RALYL: variants seen among roughly 807,000 people sequenced by gnomAD.
RALYL encodes the protein RNA-binding Raly-like protein.
A neutral mutation model predicts 35.1 loss-of-function variants in RALYL; 29 were observed. The observed-to-expected ratio is 0.83, with a 90% CI of 0.61 to 1.13. RALYL has a LOEUF of 1.13. Among genes scored for constraint, RALYL ranks in the 50% most tolerant of loss-of-function variants. The pLI is 0.00. For missense variants in RALYL, 359 were observed against 360.4 expected (o/e 1.00, Z 0.03); for synonymous variants, 120 against 127.6 (o/e 0.94, Z 0.40).
chr8:84,690,440 A>T (rs1837798275), intron 2 of RALYL, among the ~76,000 whole-genome samples: 1 of 152,098 alleles, frequency 6.6e-6, no homozygotes, highest in Non-Finnish European at 1.5e-5. Flanking sequence ...AGGATGAATA[A>T]GTTTGGGAGA....
chr8:84,273,773 A>T (rs1370595240), intron 1 of RALYL, among the ~76,000 whole-genome samples: 1 of 152,224 alleles, frequency 6.6e-6, no homozygotes, highest in Non-Finnish European at 1.5e-5. Context: ...TTTATTAAAA[A>T]TCAGGCAATA....
intron 2 of RALYL, among the ~76,000 whole-genome samples, chr8:84,578,413 A>C (rs1376616945): frequency 6.6e-6 from 1 of 152,194 alleles, no homozygotes; most frequent in Non-Finnish European, 1.5e-5. Context: ...CTTTCCTTCT[A>C]GTTGCCTGCA....
At chr8:84,913,474 G>A (rs1035646442) in intron 8 of RALYL, among the ~76,000 whole-genome samples, 1 of 151,862 alleles carries the variant, frequency 6.6e-6, no homozygotes, top group African/African-American at 2.4e-5. Context: ...TCTATACCAG[G>A]ATAATCATAT....
chr8:84,473,146 G>T (rs1428881432), intron 1 of RALYL, among the ~76,000 whole-genome samples: 2 of 151,832 alleles, frequency 1.3e-5, no homozygotes, highest in Admixed American at 6.6e-5. Context: ...GTTTATTTTT[G>T]AAGCTGACTA....
intron 1 of RALYL, among the ~76,000 whole-genome samples, chr8:84,513,467 A>G (rs1240636885): frequency 1.3e-5 from 2 of 152,144 alleles, no homozygotes; most frequent in Non-Finnish European, 2.9e-5. Context: ...AGAAAAAGCC[A>G]TAACACAATT....
At chr8:84,797,850 T>G (rs900627628) in intron 3 of RALYL, among the ~76,000 whole-genome samples, 1 of 152,214 alleles carries the variant, frequency 6.6e-6, no homozygotes, top group Non-Finnish European at 1.5e-5. Context: ...TTCTCTTCTT[T>G]ATTTACTTTT....
chr8:84,687,290 G>A (rs146482602), intron 2 of RALYL, among the ~76,000 whole-genome samples: 1 of 152,190 alleles, frequency 6.6e-6, no homozygotes, highest in East Asian at 1.9e-4. Flanking sequence ...TAGGGTCTAT[G>A]AGTCTATTTC....
chr8:84,521,626 A>G (rs1316016113), intron 1 of RALYL, among the ~76,000 whole-genome samples: 2 of 152,178 alleles, frequency 1.3e-5, no homozygotes, highest in African/African-American at 4.8e-5. Context: ...ACCACTTATT[A>G]TTACTCTTTG....
intron 2 of RALYL, among the ~76,000 whole-genome samples, chr8:84,706,253 G>A (rs1056507834): frequency 1.1e-4 from 16 of 152,060 alleles, no homozygotes; most frequent in African/African-American, 1.4e-4. Flanking sequence ...GGGATAATTC[G>A]CTTGTTACCA....
chr8:84,236,280 A>G (rs766697106), intron 1 of RALYL, among the ~76,000 whole-genome samples: 1 of 152,220 alleles, frequency 6.6e-6, no homozygotes, highest in Non-Finnish European at 1.5e-5. Flanking sequence ...ACTCAGGATC[A>G]CAAAGCAACA....
chr8:84,224,369 A>T (rs566496612), intron 1 of RALYL, among the ~76,000 whole-genome samples: 1 of 152,284 alleles, frequency 6.6e-6, no homozygotes, highest in African/African-American at 2.4e-5. Context: ...GAATATTTGC[A>T]CCGGTGGGAG....
chr8:84,357,258 G>A (rs1852022211), intron 1 of RALYL, among the ~76,000 whole-genome samples: 1 of 151,956 alleles, frequency 6.6e-6, no homozygotes, highest in African/African-American at 2.4e-5. Context: ...GGAAAAAAAG[G>A]TATAATTTAC....
intron 1 of RALYL, among the ~76,000 whole-genome samples, chr8:84,193,082 T>A (rs1725517170): frequency 9.2e-5 from 14 of 152,162 alleles, no homozygotes; most frequent in Admixed American, 9.2e-4. Context: ...AAAAAATATG[T>A]TTATTGAGGC....
chr8:84,347,831 A>G (rs1439214671), intron 1 of RALYL, among the ~76,000 whole-genome samples: 2 of 152,146 alleles, frequency 1.3e-5, no homozygotes, highest in African/African-American at 2.4e-5. Flanking sequence ...GAAAATCTGT[A>G]GACAAATTAA....
intron 2 of RALYL, among the ~76,000 whole-genome samples, chr8:84,683,541 A>G (rs945010167): frequency 6.6e-6 from 1 of 152,318 alleles, no homozygotes; most frequent in South Asian, 2.1e-4. Flanking sequence ...TTGGGTGCAT[A>G]TAAGATTCAT....
At chr8:84,579,334 CTG>C (rs1354432255) in intron 2 of RALYL, among the ~76,000 whole-genome samples, 1 of 152,174 alleles carries the variant, frequency 6.6e-6, no homozygotes. Context: ...CCTTTCAAGA[CTG>C]TGTGGGCAAG....
At chr8:84,571,210 G>C (rs369260950) in intron 2 of RALYL, among the ~76,000 whole-genome samples, 12 of 151,658 alleles carry the variant, frequency 7.9e-5, no homozygotes, top group African/African-American at 2.9e-4. Flanking sequence ...TTGTATGTTT[G>C]GTAACATTTT....
intron 1 of RALYL, among the ~76,000 whole-genome samples, chr8:84,392,450 A>T (rs1304754169): frequency 6.6e-6 from 1 of 151,828 alleles, no homozygotes; most frequent in Non-Finnish European, 1.5e-5. Context: ...AAAAAAAAAA[A>T]TTGAATCACA....
At chr8:84,878,813 A>T (rs756364380) in intron 7 of RALYL, among the ~76,000 whole-genome samples, 9 of 152,218 alleles carry the variant, frequency 5.9e-5, no homozygotes, top group African/African-American at 9.6e-5. Flanking sequence ...GAAATGGAAA[A>T]TAGGGGAAGG....
Sources: gnomAD v4.1 joint callset for allele counts (sites outside exome capture counted in the v4.1 genomes callset) on GRCh38, gnomAD v4.1.1 for gene constraint, MANE v1.5 for transcripts, NCBI Gene and HGNC (gene_info 2026-07-23, HGNC 2026-07-21) for gene names.